NPAS3: variants seen among roughly 807,000 people sequenced by gnomAD.
The protein encoded by NPAS3 is neuronal PAS domain protein 3.
In NPAS3, 14 loss-of-function variants were observed where a neutral mutation model predicts 73.1. The observed-to-expected ratio is 0.19, with a 90% CI of 0.13 to 0.30. The LOEUF is 0.30. Among genes scored for constraint, NPAS3 ranks in the 10% least tolerant of loss-of-function variants. NPAS3 has a pLI of 1.00. For missense variants in NPAS3, 1,096 were observed against 1,250.0 expected (o/e 0.88, Z 1.86); for synonymous variants, 620 against 541.5 (o/e 1.14, Z -2.01).
At chr14:33,593,965 TAATC>T (rs1282658740) in intron 5 of NPAS3, among the ~76,000 whole-genome samples, 1 of 152,174 alleles carries the variant, frequency 6.6e-6, no homozygotes, top group Non-Finnish European at 1.5e-5. Flanking sequence ...CACCACATAA[TAATC>T]ATTCATTATC....
chr14:33,469,924 T>C (rs896223647), intron 4 of NPAS3, among the ~76,000 whole-genome samples: 2 of 152,162 alleles, frequency 1.3e-5, no homozygotes, highest in African/African-American at 4.8e-5. Flanking sequence ...TTGGCCTGGG[T>C]AGGTTTTCTC....
chr14:33,616,108 A>C (rs1278490579), intron 5 of NPAS3, among the ~76,000 whole-genome samples: 2 of 152,002 alleles, frequency 1.3e-5, no homozygotes, highest in East Asian at 3.9e-4. Context: ...GATATTAGCT[A>C]TTTTCCATGG....
intron 3 of NPAS3, among the ~76,000 whole-genome samples, chr14:33,301,229 G>A (rs151191778): frequency 1.7e-4 from 25 of 149,036 alleles, no homozygotes; most frequent in African/African-American, 6.2e-4. Flanking sequence ...TCCCCCTGAC[G>A]CTGCCTGAGC....
At chr14:33,481,850 T>C (rs1240943379) in intron 4 of NPAS3, among the ~76,000 whole-genome samples, 1 of 152,116 alleles carries the variant, frequency 6.6e-6, no homozygotes, top group Non-Finnish European at 1.5e-5. Context: ...GGCTGTTTGT[T>C]TGTTTTGTAT....
chr14:33,663,502 A>G (rs1003217915), intron 5 of NPAS3, among the ~76,000 whole-genome samples: 1 of 152,002 alleles, frequency 6.6e-6, no homozygotes. Flanking sequence ...ATCGATGTTC[A>G]TCAGGGATAT....
At chr14:33,184,637 A>G (rs2045920127) in intron 2 of NPAS3, among the ~76,000 whole-genome samples, 1 of 152,166 alleles carries the variant, frequency 6.6e-6, no homozygotes, top group South Asian at 2.1e-4. Flanking sequence ...ATAGTGGCTG[A>G]GAGTAGGTAG....
chr14:33,576,829 T>C (rs763361556), intron 5 of NPAS3, among the ~76,000 whole-genome samples: 2 of 152,218 alleles, frequency 1.3e-5, no homozygotes, highest in Non-Finnish European at 2.9e-5. Flanking sequence ...TATTATAGCA[T>C]GTTTATACAA....
intron 4 of NPAS3, among the ~76,000 whole-genome samples, chr14:33,422,637 T>A (rs529859623): frequency 5.1e-4 from 78 of 151,982 alleles, no homozygotes; most frequent in Admixed American, 9.2e-4. Context: ...TTTATTCTCA[T>A]CTATCCCTAG....
chr14:33,775,978 C>T (rs556822958), intron 8 of NPAS3, among the ~76,000 whole-genome samples: 1 of 152,304 alleles, frequency 6.6e-6, no homozygotes, highest in Non-Finnish European at 1.5e-5. Flanking sequence ...GCAATTTCAG[C>T]TAAGAGAGAA....
chr14:33,245,014 C>T (rs61972690), intron 3 of NPAS3, among the ~76,000 whole-genome samples: 11,867 of 152,222 alleles, frequency 0.078, 594 homozygotes, highest in Non-Finnish European at 0.12. Flanking sequence ...AACCATAGCT[C>T]TAGGCCTTGG....
intron 4 of NPAS3, among the ~76,000 whole-genome samples, chr14:33,558,036 A>T (rs959540327): frequency 2.0e-5 from 3 of 152,230 alleles, no homozygotes; most frequent in African/African-American, 7.2e-5. Flanking sequence ...ATTAAAAGAG[A>T]CAATATGTGC....
intron 5 of NPAS3, among the ~76,000 whole-genome samples, chr14:33,649,446 C>T (rs575270315): frequency 5.9e-5 from 9 of 152,176 alleles, no homozygotes; most frequent in Non-Finnish European, 1.2e-4. Context: ...GCCAACAGTA[C>T]GGTACTGTAA....
chr14:33,276,417 C>T (rs952268523), intron 3 of NPAS3, among the ~76,000 whole-genome samples: 4 of 152,084 alleles, frequency 2.6e-5, no homozygotes, highest in African/African-American at 9.7e-5. Flanking sequence ...AATGCAAAAT[C>T]AACCATTTGT....
At chr14:33,106,932 C>T (rs986956047) in intron 2 of NPAS3, among the ~76,000 whole-genome samples, 1 of 151,908 alleles carries the variant, frequency 6.6e-6, no homozygotes, top group Non-Finnish European at 1.5e-5. Flanking sequence ...TGTGTGTGTG[C>T]ATGTGTTGGT....
chr14:33,334,273 T>C (rs777832370), intron 3 of NPAS3, among the ~76,000 whole-genome samples: 12 of 152,132 alleles, frequency 7.9e-5, no homozygotes, highest in Non-Finnish European at 1.5e-4. Flanking sequence ...AAGTGTATGG[T>C]TAGAAAATTT....
At chr14:33,202,324 A>G (rs1010564736) in intron 2 of NPAS3, among the ~76,000 whole-genome samples, 3 of 152,068 alleles carry the variant, frequency 2.0e-5, no homozygotes, top group African/African-American at 7.2e-5. Context: ...AATTGCTTGA[A>G]TCTGGGAGGT....
chr14:33,783,157 A>C (rs563755887), intron 9 of NPAS3, among the ~76,000 whole-genome samples: 33 of 152,324 alleles, frequency 2.2e-4, no homozygotes, highest in African/African-American at 7.9e-4. Flanking sequence ...CATCTGCCAC[A>C]CAAACAAAGG....
chr14:33,506,756 G>C (rs1223550081), intron 4 of NPAS3, among the ~76,000 whole-genome samples: 1 of 151,956 alleles, frequency 6.6e-6, no homozygotes, highest in East Asian at 1.9e-4. Flanking sequence ...CATATCACAA[G>C]GGAATAAAAA....
intron 5 of NPAS3, among the ~76,000 whole-genome samples, chr14:33,585,189 T>C (rs1185034577): frequency 6.6e-6 from 1 of 151,906 alleles, no homozygotes. Context: ...TCTAGAAAGA[T>C]AGGTGAAGTG....
Sources: gnomAD v4.1 joint callset for allele counts (sites outside exome capture counted in the v4.1 genomes callset) on GRCh38, gnomAD v4.1.1 for gene constraint, MANE v1.5 for transcripts, NCBI Gene and HGNC (gene_info 2026-07-23, HGNC 2026-07-21) for gene names.